The following DLGAP2 variants were observed in gnomAD, a reference collection of about 807,000 sequenced individuals.
DLGAP2 encodes the protein DLG associated protein 2, also known as disks large-associated protein 2.
A neutral mutation model predicts 100.3 loss-of-function variants in DLGAP2; 26 were observed. That is an observed-to-expected ratio of 0.26 (90% confidence interval 0.19 to 0.36). The LOEUF is 0.36. Among genes scored for constraint, DLGAP2 ranks in the 10% least tolerant of loss-of-function variants. The probability of loss-of-function intolerance (pLI) is 1.00; values close to 1 mark genes in which losing one functional copy is unlikely to be tolerated. For synonymous variants in DLGAP2, 886 were observed against 630.1 expected (o/e 1.41, Z -6.08); for missense variants, 1,858 against 1,453.2 (o/e 1.28, Z -4.53).
At chr8:1,605,042 G>A (rs533616559) in intron 6 of DLGAP2, among the ~76,000 whole-genome samples, 9 of 152,230 alleles carry the variant, frequency 5.9e-5, no homozygotes, top group African/African-American at 1.9e-4. Flanking sequence ...GAAGCCAGGC[G>A]GGGCACACCA....
intron 3 of DLGAP2, among the ~76,000 whole-genome samples, chr8:1,377,123 G>C (rs572580516): frequency 1.9e-4 from 29 of 152,328 alleles, no homozygotes; most frequent in African/African-American, 6.0e-4. Context: ...GCGTCCCAGC[G>C]AGAGGAAGTC....
chr8:1,042,428 A>G (rs1244705576), intron 2 of DLGAP2, among the ~76,000 whole-genome samples: 1 of 152,232 alleles, frequency 6.6e-6, no homozygotes, highest in Non-Finnish European at 1.5e-5. Context: ...TGAATCTGTC[A>G]GATCACTTGT....
intron 2 of DLGAP2, among the ~76,000 whole-genome samples, chr8:1,234,875 G>A (rs112653697): frequency 6.6e-5 from 10 of 152,322 alleles, no homozygotes; most frequent in Admixed American, 2.0e-4. Context: ...CTGTCACAGC[G>A]CTGTGTCTAG....
chr8:760,723 T>C (rs57514274), intron 1 of DLGAP2, among the ~76,000 whole-genome samples: 11,571 of 152,250 alleles, frequency 0.076, 1,543 homozygotes, highest in African/African-American at 0.27. Flanking sequence ...GTGTCAGGCA[T>C]GTCCCTCAGT....
intron 8 of DLGAP2, among the ~76,000 whole-genome samples, chr8:1,655,805 T>C (rs1478561904): frequency 2.0e-5 from 3 of 152,224 alleles, no homozygotes; most frequent in African/African-American, 4.8e-5. Context: ...CTCTGCTTCA[T>C]GTGCTGTGTT....
At chr8:1,141,272 T>G (rs1367472033) in intron 2 of DLGAP2, among the ~76,000 whole-genome samples, 1 of 152,218 alleles carries the variant, frequency 6.6e-6, no homozygotes, top group Non-Finnish European at 1.5e-5. Context: ...CGTTGAAAGT[T>G]GAATACTTTT....
chr8:1,513,707 C>T (rs1027295376), intron 4 of DLGAP2, among the ~76,000 whole-genome samples: 2 of 152,172 alleles, frequency 1.3e-5, no homozygotes, highest in African/African-American at 4.8e-5. Flanking sequence ...TATGCAATTC[C>T]CTAAAAGTAC....
chr8:1,308,777 A>G (rs1337062537), intron 3 of DLGAP2, among the ~76,000 whole-genome samples: 1 of 152,208 alleles, frequency 6.6e-6, no homozygotes, highest in Non-Finnish European at 1.5e-5. Context: ...TGCCCGCCTC[A>G]GCCTCCCCAA....
At chr8:1,440,092 T>G (rs1470692370) in intron 3 of DLGAP2, among the ~76,000 whole-genome samples, 2 of 152,282 alleles carry the variant, frequency 1.3e-5, no homozygotes, top group South Asian at 2.1e-4. Context: ...GGTCCCATTA[T>G]TCTAGAAAGC....
chr8:1,183,568 C>G (rs970748961), intron 2 of DLGAP2, among the ~76,000 whole-genome samples: 1 of 152,196 alleles, frequency 6.6e-6, no homozygotes, highest in Non-Finnish European at 1.5e-5. Context: ...TTAGTATCCT[C>G]ACCATGTTGC....
intron 8 of DLGAP2, among the ~76,000 whole-genome samples, chr8:1,645,610 A>G (rs761715816): frequency 2.6e-5 from 4 of 152,212 alleles, no homozygotes; most frequent in Non-Finnish European, 5.9e-5. Context: ...TTAAAATGTG[A>G]TCATGAAGTC....
intron 1 of DLGAP2, among the ~76,000 whole-genome samples, chr8:793,088 C>T (rs1404337476): frequency 6.6e-6 from 1 of 152,224 alleles, no homozygotes; most frequent in Non-Finnish European, 1.5e-5. Flanking sequence ...GCCCTCCTTT[C>T]TTCTTGCCGC....
intron 2 of DLGAP2, among the ~76,000 whole-genome samples, chr8:1,173,530 C>G (rs1003766644): frequency 6.6e-6 from 1 of 152,184 alleles, no homozygotes; most frequent in Non-Finnish European, 1.5e-5. Context: ...CTGTGGTGGG[C>G]TCCACCCAGT....
At chr8:904,183 C>T (rs1487678120) in intron 1 of DLGAP2, among the ~76,000 whole-genome samples, 9 of 152,178 alleles carry the variant, frequency 5.9e-5, no homozygotes, top group Non-Finnish European at 8.8e-5. Context: ...ACAGTGTGAC[C>T]GGGCACCCAG....
intron 1 of DLGAP2, among the ~76,000 whole-genome samples, chr8:845,723 G>C (rs1417015572): frequency 1.3e-5 from 2 of 152,128 alleles, no homozygotes; most frequent in Admixed American, 1.3e-4. Context: ...TTGTATTTAA[G>C]ATACCATTGC....
chr8:752,513 G>T (rs887815162), intron 1 of DLGAP2, among the ~76,000 whole-genome samples: 3 of 152,174 alleles, frequency 2.0e-5, no homozygotes, highest in Admixed American at 6.5e-5. Context: ...AGCACCAGCC[G>T]CCTGGGCTCG....
intron 1 of DLGAP2, among the ~76,000 whole-genome samples, chr8:832,653 G>A (rs578027128): frequency 1.3e-5 from 2 of 152,216 alleles, no homozygotes; most frequent in Non-Finnish European, 2.9e-5. Flanking sequence ...CTTTTGCACT[G>A]ATTTTTTTGA....
chr8:820,028 C>G (rs1421475987), intron 1 of DLGAP2, among the ~76,000 whole-genome samples: 1 of 152,168 alleles, frequency 6.6e-6, no homozygotes, highest in African/African-American at 2.4e-5. Context: ...GAGTTCTTGT[C>G]TACTAAGAGA....
chr8:1,272,466 A>G (rs1473372055), intron 3 of DLGAP2, among the ~76,000 whole-genome samples: 2 of 151,878 alleles, frequency 1.3e-5, no homozygotes, highest in Admixed American at 1.3e-4. Context: ...CATTTTATAT[A>G]TAGAAAACAT....
Sources: gnomAD v4.1 joint callset for allele counts (sites outside exome capture counted in the v4.1 genomes callset) on GRCh38, gnomAD v4.1.1 for gene constraint, MANE v1.5 for transcripts, NCBI Gene and HGNC (gene_info 2026-07-23, HGNC 2026-07-21) for gene names.